CILP2: variants seen among roughly 807,000 people sequenced by gnomAD.
The protein encoded by CILP2 is cartilage intermediate layer protein 2, also known as CILP-2.
Under a neutral mutation model 45.6 loss-of-function variants are expected in CILP2, and 38 were observed. The ratio of observed to expected loss-of-function variants is 0.83; its 90% CI spans 0.64 to 1.09. The LOEUF (loss-of-function observed/expected upper bound fraction) is 1.09. Among genes scored for constraint, CILP2 ranks in the 50% least tolerant of loss-of-function variants. CILP2 has a pLI of 0.00. For missense variants in CILP2, 1,735 were observed against 1,662.2 expected, an observed-to-expected ratio of 1.04 and a Z score of -0.76; for synonymous variants, 780 against 723.5, an observed-to-expected ratio of 1.08 and a Z score of -1.25.
chr19:19,545,840 G>C lies in CILP2; in HGVS notation c.3295G>C (p.Ala1099Pro), dbSNP rs368324364. Reference sequence around the variant, plus strand: ...AGAGATGAAGGCTGATGCCGGCACAGCCGTCACCTTCCAGTGCCGGGAGCC... The same window carrying C: ...AGAGATGAAGGCTGATGCCGGCACACCCGTCACCTTCCAGTGCCGGGAGCC... ...SREMKADAGTAVTFQCREPPA... is the reference protein window; with the variant it reads ...SREMKADAGTPVTFQCREPPA... The change falls in exon 8 of 8, where the codon GCC becomes CCC. Residue 1099 changes from alanine to proline, a missense_variant. Coordinates refer to ENST00000291495, the MANE Select transcript of CILP2 (RefSeq NM_153221.2). 1.3e-6 allele frequency: 2 copies of C among 1,585,076 alleles called. No homozygotes were observed. Among genetic ancestry groups the C allele is most frequent in the Non-Finnish European group, 8.6e-7 (1 of 1,160,542 alleles).
At position 19,544,819 on chromosome 19, in the gene CILP2, G is replaced by A; in HGVS notation, c.2274G>A (p.Val758=). 1 of 1,603,428 alleles carries A rather than the reference G, an allele frequency of 6.2e-7. No homozygotes were observed. The highest frequency in any genetic ancestry group is 8.5e-7 in the Non-Finnish European group (1 of 1,179,494). ...CCCCCAGCGAGCAGGTGGAGGGCGT[G>A]GTGGTCACGCTGGTCAATCTGGAGC... ...KFTPSEQVEG[V]VVTLVNLEPA... The change falls in exon 8 of 8, where the codon GTG becomes GTA. Residue 758 remains valine, a synonymous_variant. Coordinates refer to ENST00000291495, the MANE Select transcript of CILP2 (RefSeq NM_153221.2).
At chr19:19,540,898 T>A (rs2144676192) in intron 3 of CILP2, 193 bp from the exon 4 acceptor site, 1 of 486,750 alleles carries the variant, frequency 2.1e-6, no homozygotes, top group African/African-American at 2.0e-5. Context: ...GGTCGGTACC[T>A]AAACTATGTC....
chr19:19,545,424 G>A lies in CILP2; in HGVS notation c.2879G>A (p.Gly960Asp). ...EYMVRSHNAG[G>D]SHPRTRGQLY... ...ATGGTCCGCTCCCACAACGCAGGGGGCAGCCACCCACGCACCCGCGGCCAG... is the reference window on the plus strand; with the variant it reads ...ATGGTCCGCTCCCACAACGCAGGGGACAGCCACCCACGCACCCGCGGCCAG... Residue 960 changes from glycine to aspartate, a missense_variant, in exon 8 of 8, where the codon GGC (glycine) becomes GAC (aspartate). Transcript: ENST00000291495. The A allele has an allele frequency of 1.2e-6, 2 of 1,612,592 alleles. No homozygotes were observed. The highest frequency in any genetic ancestry group is 1.7e-6 in the Non-Finnish European group (2 of 1,179,784).
intron 6 of CILP2, 29 bp from the exon 7 acceptor site, chr19:19,543,219 T>A: frequency 1.2e-6 from 2 of 1,608,610 alleles, no homozygotes; most frequent in Non-Finnish European, 1.7e-6. Context: ...TCCCACTGAG[T>A]CCTATGGTGT....
At chr19:19,541,673 C>G (rs1457542928) in intron 4 of CILP2, among the ~76,000 whole-genome samples, 2 of 152,218 alleles carry the variant, frequency 1.3e-5, no homozygotes, top group African/African-American at 2.4e-5. Flanking sequence ...TTCATGCACT[C>G]AGGGTGCACA....
rs1361879564 is a variant in CILP2 at position 19,540,380 on chromosome 19, C to A, written c.340C>A (p.His114Asn). The change falls in exon 3 of 8, where the codon CAC becomes AAC. Residue 114 changes from histidine (H) to asparagine (N), a missense_variant. By Grantham distance (68) the His-to-Asn change is moderately conservative (BLOSUM62 1). Transcript: ENST00000291495. ...ALPSAVGERV[H>N]LNPTRGFWCL... is the part of the protein sequence containing the mutation. ...GCCGTCCGCCGTCGGCGAGCGCGTGCACTTGAACCCCACGCGCGGCTTCTG... is the reference window on the plus strand; with the variant it reads ...GCCGTCCGCCGTCGGCGAGCGCGTGAACTTGAACCCCACGCGCGGCTTCTG... The A allele has an allele frequency of 4.6e-6, 7 of 1,533,854 alleles. No individual in the cohort carries two copies. In the Admixed American group the frequency reaches 1.3e-4, roughly 29 times the overall value.
At chr19:19,539,800 C>A (rs376005175) in intron 2 of CILP2, 23 bp downstream of exon 2, 2 of 1,543,848 alleles carry the variant, frequency 1.3e-6, no homozygotes, top group South Asian at 1.2e-5. Flanking sequence ...GCCTCGGAGT[C>A]CCGTCTCTGC....
rs1335601368 is a variant in CILP2 at position 19,539,737 on chromosome 19, G to A, written c.123G>A (p.Val41=). ...CACTGGGCCTGGAAAGACGGTCCGT[G>A]TACACCGGCCAGCCCTCACCAGCCC... ...ATALGLERRS[V]YTGQPSPALE... The change falls in exon 2 of 8, where the codon GTG becomes GTA. Residue 41 remains valine (V), a synonymous_variant. Transcript: ENST00000291495. The A allele has an allele frequency of 3.1e-6, 5 of 1,606,484 alleles. No individual in the cohort carries two copies. In the African/African-American group the frequency reaches 4.0e-5, roughly 13 times the overall value.
At chr19:19,543,436 G>A in intron 7 of CILP2, 31 bp downstream of exon 7, 1 of 1,610,504 alleles carries the variant, frequency 6.2e-7, no homozygotes, top group Non-Finnish European at 8.5e-7. Context: ...CCCCGAGCAA[G>A]CCTTCACCCA....
intron 7 of CILP2, 34 bp from the exon 8 acceptor site, chr19:19,543,647 C>T (rs1666466371): frequency 1.3e-6 from 2 of 1,561,706 alleles, no homozygotes; most frequent in Non-Finnish European, 1.7e-6. Flanking sequence ...AGTCCTCCTC[C>T]CTGCCCTGAC....
Position 19,544,707 on chromosome 19 carries a change from T to G in CILP2, c.2162T>G (p.Ile721Ser). Residue 721 changes from isoleucine (I) to serine (S), a missense_variant, in exon 8 of 8, where the codon ATC becomes AGC. Transcript: ENST00000291495. ...GTCTTCCTGGTGGGCAACGTGGAGA[T>G]CCGGGAGCGGCGCCTGTTCAATCTG... Reference protein sequence around the residue: ...ERVFLVGNVEIRERRLFNLDV... With the variant: ...ERVFLVGNVESRERRLFNLDV... 1 of 1,591,664 alleles carries G rather than the reference T, an allele frequency of 6.3e-7. No homozygotes were observed. The highest frequency in any genetic ancestry group is 8.5e-7 in the Non-Finnish European group (1 of 1,173,696).
chr19:19,542,781 C>A, intron 5 of CILP2, 83 bp from the exon 6 acceptor site: 1 of 1,566,452 alleles, frequency 6.4e-7, no homozygotes, highest in South Asian at 1.1e-5. Flanking sequence ...GTCGGCATTT[C>A]TGGGAGAAAG....
In CILP2 at chr19:19,546,069, G is replaced by A. The variant is rs1487127649; in HGVS notation, c.*53G>A. The A allele has an allele frequency of 1.0e-5, 14 of 1,359,374 alleles. No individual in the cohort carries two copies. The Admixed American group carries it at 1.2e-4, about 12-fold the overall frequency. 84.2% of individuals were successfully genotyped at this position (1,359,374 alleles called of 1,614,324 possible). The stretch of plus-strand genomic sequence containing the variant: ...TCCCTCCAGACTCCTTTGACCCCAG[G>A]AAGTTTTGCCCCTCCTTCTTCTCCA... On this transcript the variant is annotated 3_prime_UTR_variant, in exon 8 of 8. Transcript: ENST00000291495.
chr19:19,539,580 A>AT, intron 1 of CILP2, 99 bp from the exon 2 acceptor site: 13 of 549,286 alleles, frequency 2.4e-5, no homozygotes, highest in South Asian at 4.2e-5. Flanking sequence ...AAAAAAAAAA[A>AT]GGGGGGGGAT....
chr19:19,538,331 C>G lies in CILP2; in HGVS notation c.-19C>G. 1 of 1,573,644 alleles carries G rather than the reference C, an allele frequency of 6.4e-7. No homozygotes were observed. Among genetic ancestry groups the G allele is most frequent in the Non-Finnish European group, 8.6e-7 (1 of 1,168,370 alleles). On this transcript the variant is annotated 5_prime_UTR_variant, in exon 1 of 8. Coordinates refer to ENST00000291495, the MANE Select transcript of CILP2 (RefSeq NM_153221.2). ...ACGCCGCGGAGCCCGGACCCTCCCTCGGACGCTCTGCCCCGGCCATGGCGT... is the reference window on the plus strand; with the variant it reads ...ACGCCGCGGAGCCCGGACCCTCCCTGGGACGCTCTGCCCCGGCCATGGCGT...
Position 19,542,960 on chromosome 19 carries a change from A to C in CILP2, c.965A>C (p.Lys322Thr), listed in dbSNP as rs745578974. The C allele has an allele frequency of 6.2e-7, 1 of 1,611,268 alleles. No homozygotes were observed. The highest frequency in any genetic ancestry group is 8.5e-7 in the Non-Finnish European group (1 of 1,177,530). Residue 322 changes from lysine (K) to threonine (T), a missense_variant, in exon 6 of 8, where the codon AAG becomes ACG. By Grantham distance (78) the Lys-to-Thr change is moderately conservative. Coordinates refer to ENST00000291495, the MANE Select transcript of CILP2 (RefSeq NM_153221.2). ...AAAGCCTCCGGGACCCCCATGCCCA[A>C]GAAATACTCCTGGTGAGCGCCCGCC... ...CCKASGTPMP[K>T]KYSWFHNGTL...
rs1400028465 is a variant in CILP2 at position 19,545,461 on chromosome 19, T to G, written c.2916T>G (p.Leu972=). 6.2e-7 allele frequency: 1 copy of G among 1,612,150 alleles called. No individual in the cohort carries two copies. The highest frequency in any genetic ancestry group is 1.3e-5 in the African/African-American group (1 of 74,932). ...HPRTRGQLYG[L]RDARSVRDPE... ...GCACCCGCGGCCAGCTCTACGGACT[T>G]CGGGATGCCCGGAGTGTGCGAGACC... Residue 972 remains leucine, a synonymous_variant, in exon 8 of 8, where the codon CTT becomes CTG. Coordinates refer to ENST00000291495, the MANE Select transcript of CILP2 (RefSeq NM_153221.2).
At chr19:19,538,690 G>A (rs978509583) in intron 1 of CILP2, among the ~76,000 whole-genome samples, 1 of 152,212 alleles carries the variant, frequency 6.6e-6, no homozygotes, top group Admixed American at 6.5e-5. Flanking sequence ...ACCCTGGACC[G>A]AAGGGGTCGG....
intron 2 of CILP2, 43 bp downstream of exon 2, chr19:19,539,820 G>T (rs762195902): frequency 2.0e-6 from 3 of 1,486,926 alleles, no homozygotes; most frequent in East Asian, 2.4e-5. Flanking sequence ...CTGCGGGCTT[G>T]TTGGGGGTGG....
Sources: gnomAD v4.1 joint callset for allele counts (sites outside exome capture counted in the v4.1 genomes callset) on GRCh38, gnomAD v4.1.1 for gene constraint, MANE v1.5 for transcripts, NCBI Gene and HGNC (gene_info 2026-07-23, HGNC 2026-07-21) for gene names.